LPP: variants seen among roughly 807,000 people sequenced by gnomAD.
LPP encodes the protein LIM domain containing preferred translocation partner in lipoma.
Under a neutral mutation model 60.4 loss-of-function variants are expected in LPP, and 38 were observed. The observed-to-expected ratio is 0.63, with a 90% CI of 0.49 to 0.83. LPP has a LOEUF of 0.83. LPP is among the 40% of genes least tolerant of loss of function. LPP has a pLI of 0.00. For synonymous variants in LPP, 328 were observed against 290.8 expected, an observed-to-expected ratio of 1.13 and a Z score of -1.30; for missense variants, 902 against 783.6, an observed-to-expected ratio of 1.15 and a Z score of -1.80.
intron 6 of LPP, chr3:188,568,974 G>A (rs991893758): frequency 2.0e-5 from 3 of 151,840 alleles, no homozygotes; most frequent in Admixed American, 6.6e-5. Context: ...TCAGCTAGAG[G>A]ATGTGACATT....
intron 4 of LPP, among the ~76,000 whole-genome samples, chr3:188,467,226 G>A (rs1355029953): frequency 6.6e-6 from 1 of 151,846 alleles, no homozygotes; most frequent in East Asian, 1.9e-4. Context: ...AAATGTGGTA[G>A]CAAGATTATA....
chr3:188,621,382 C>G (rs1413732542), intron 7 of LPP, among the ~76,000 whole-genome samples: 2 of 152,100 alleles, frequency 1.3e-5, no homozygotes, highest in Non-Finnish European at 2.9e-5. Context: ...CATGTGTGCT[C>G]AGTGTTTAGC....
intron 2 of LPP, among the ~76,000 whole-genome samples, chr3:188,232,767 A>G (rs563839501): frequency 6.6e-6 from 1 of 152,136 alleles, no homozygotes; most frequent in Non-Finnish European, 1.5e-5. Context: ...AGGAATTTGG[A>G]GTAGGAAGAC....
intron 2 of LPP, among the ~76,000 whole-genome samples, chr3:188,304,592 C>T (rs757668871): frequency 1.3e-5 from 2 of 152,128 alleles, no homozygotes; most frequent in African/African-American, 2.4e-5. Context: ...TTATCCTGAA[C>T]GAGTAGCCCA....
chr3:188,560,035 C>T (rs1830319019), intron 6 of LPP, among the ~76,000 whole-genome samples: 1 of 152,128 alleles, frequency 6.6e-6, no homozygotes. Context: ...GGTTCCACCA[C>T]TCAGCAGCTC....
intron 1 of LPP, among the ~76,000 whole-genome samples, chr3:188,223,774 G>C (rs1379292147): frequency 6.6e-6 from 1 of 152,192 alleles, no homozygotes. Flanking sequence ...GCTTGCGGGT[G>C]AGGGTAGGGA....
chr3:188,767,418 T>C (rs924809172), intron 9 of LPP, among the ~76,000 whole-genome samples: 1 of 152,168 alleles, frequency 6.6e-6, no homozygotes, highest in Admixed American at 6.5e-5. Context: ...AAGTAAGAGA[T>C]AAGAAGGGTG....
chr3:188,744,153 C>T (rs1577307703), intron 8 of LPP, among the ~76,000 whole-genome samples: 1 of 152,138 alleles, frequency 6.6e-6, no homozygotes, highest in African/African-American at 2.4e-5. Flanking sequence ...CAGCCATTTA[C>T]TTACACACGT....
chr3:188,595,623 C>T (rs1173762767), intron 6 of LPP, among the ~76,000 whole-genome samples: 1 of 152,174 alleles, frequency 6.6e-6, no homozygotes, highest in Non-Finnish European at 1.5e-5. Flanking sequence ...AGGTTATCTA[C>T]TGCACTGAAT....
At chr3:188,709,265 C>T (rs141935314) in intron 8 of LPP, 2 of 152,140 alleles carry the variant, frequency 1.3e-5, no homozygotes, top group Non-Finnish European at 2.9e-5. Flanking sequence ...AGAGGTAAGA[C>T]AAGCATACAA....
rs116620478 is a variant in LPP, at chr3:188,857,447, C to T, written c.1411-8753C>T. 8.0e-3 allele frequency among the ~76,000 whole-genome samples: 1,218 copies of T among 152,248 alleles called. 18 individuals carry two copies. The highest frequency in any genetic ancestry group is 0.028 in the African/African-American group (1,146 of 41,536). ...ATTTATAGCTGTGTGTCATGTAATGCGGAAAAGAATTCTACCATTCTACCT... is the reference window on the plus strand; with the variant it reads ...ATTTATAGCTGTGTGTCATGTAATGTGGAAAAGAATTCTACCATTCTACCT... On this transcript the variant is annotated intron_variant, in intron 9 of 11. Coordinates refer to ENST00000617246, the MANE Select transcript of LPP (RefSeq NM_001375462.1).
At chr3:188,279,138 A>G (rs1741051700) in intron 2 of LPP, among the ~76,000 whole-genome samples, 1 of 152,192 alleles carries the variant, frequency 6.6e-6, no homozygotes. Flanking sequence ...TAGGAGATCA[A>G]GTGGACTTAA....
Position 188,194,106 on chromosome 3 carries a change from A to G in LPP, c.-189-31299A>G, listed in dbSNP as rs183828428. ...TGCTGAATGGTCAGGTGAGCTCCCT[A>G]TTCTCTGTTGGTGAGTGGCCCTCAT... On this transcript the variant is annotated intron_variant, in intron 1 of 11. Transcript: ENST00000617246. Among the ~76,000 whole-genome samples, 278 of 152,326 alleles carry G rather than the reference A, an allele frequency of 1.8e-3. 2 individuals are homozygous for G. Among genetic ancestry groups the G allele is most frequent in the African/African-American group, 6.3e-3 (263 of 41,566 alleles).
At chr3:188,579,341 C>G (rs1478547647) in intron 6 of LPP, among the ~76,000 whole-genome samples, 1 of 152,214 alleles carries the variant, frequency 6.6e-6, no homozygotes, top group Non-Finnish European at 1.5e-5. Context: ...AAGTGACATT[C>G]TAGACTGGGT....
chr3:188,860,693 TTAAC>T (rs919687944), intron 9 of LPP, among the ~76,000 whole-genome samples: 4 of 152,232 alleles, frequency 2.6e-5, no homozygotes, highest in Non-Finnish European at 4.4e-5. Context: ...TATTAATTCA[TTAAC>T]TAACTGATAT....
intron 1 of LPP, among the ~76,000 whole-genome samples, chr3:188,220,301 G>A (rs1222974539): frequency 6.6e-6 from 1 of 152,024 alleles, no homozygotes; most frequent in African/African-American, 2.4e-5. Context: ...GTCACCGTGT[G>A]GTATGAAAAT....
intron 7 of LPP, among the ~76,000 whole-genome samples, chr3:188,676,358 C>T (rs879370377): frequency 9.9e-5 from 15 of 152,054 alleles, no homozygotes; most frequent in Non-Finnish European, 1.6e-4. Flanking sequence ...TACTCCGTGT[C>T]GCCACATCTT....
intron 2 of LPP, among the ~76,000 whole-genome samples, chr3:188,276,695 T>TC (rs1739908128): frequency 7.9e-4 from 13 of 16,414 alleles, no homozygotes; most frequent in African/African-American, 4.4e-3. Flanking sequence ...CTCTCTCTCT[T>TC]TCTCTCTCTC....
chr3:188,491,106 C>G (rs1808246035), intron 5 of LPP, among the ~76,000 whole-genome samples: 1 of 152,112 alleles, frequency 6.6e-6, no homozygotes, highest in Non-Finnish European at 1.5e-5. Context: ...CTATCATGGT[C>G]TCAGGTACAG....
Sources: allele counts gnomAD v4.1 joint callset (sites outside exome capture counted in the v4.1 genomes callset), GRCh38; gene constraint gnomAD v4.1.1; transcripts MANE v1.5; gene names NCBI Gene and HGNC (gene_info 2026-07-23, HGNC 2026-07-21).